MAGI2: variants seen among roughly 807,000 people sequenced by gnomAD.
MAGI2 encodes the protein membrane-associated guanylate kinase, WW and PDZ domain-containing protein 2.
In MAGI2, 35 loss-of-function variants were observed where a neutral mutation model predicts 133.3. The observed-to-expected ratio is 0.26, with a 90% CI of 0.20 to 0.35. The LOEUF (loss-of-function observed/expected upper bound fraction) is 0.35, where lower values mean the gene tolerates loss of function less well. MAGI2 is among the 10% of genes least tolerant of loss of function. The probability of loss-of-function intolerance (pLI) is 1.00; values close to 1 mark genes in which losing one functional copy is unlikely to be tolerated. For synonymous variants in MAGI2, 729 were observed against 710.6 expected, an observed-to-expected ratio of 1.03 and a Z score of -0.41; for missense variants, 1,636 against 1,863.4, an observed-to-expected ratio of 0.88 and a Z score of 2.25.
At chr7:78,398,667 G>A (rs1437823838) in intron 6 of MAGI2, among the ~76,000 whole-genome samples, 3 of 151,924 alleles carry the variant, frequency 2.0e-5, no homozygotes, top group Non-Finnish European at 2.9e-5. Flanking sequence ...AACGTAGTAA[G>A]AAAGGTAGGG....
chr7:78,026,211 T>C (rs1170589416), intron 21 of MAGI2: 1 of 152,246 alleles, frequency 6.6e-6, no homozygotes, highest in East Asian at 1.9e-4. Context: ...TCTCAAATTA[T>C]CTTGTAGGAG....
chr7:78,774,873 A>G (rs1470941324), intron 2 of MAGI2, among the ~76,000 whole-genome samples: 1 of 152,212 alleles, frequency 6.6e-6, no homozygotes, highest in Non-Finnish European at 1.5e-5. Context: ...TGTGGAAGAG[A>G]AAAAGTCACC....
At chr7:78,341,145 C>T (rs1790330056) in intron 9 of MAGI2, among the ~76,000 whole-genome samples, 1 of 152,164 alleles carries the variant, frequency 6.6e-6, no homozygotes, top group African/African-American at 2.4e-5. Flanking sequence ...GCAAAAATCA[C>T]TAGCATTCCT....
intron 10 of MAGI2, among the ~76,000 whole-genome samples, chr7:78,245,393 C>G (rs1033315578): frequency 7.9e-5 from 12 of 152,196 alleles, no homozygotes; most frequent in African/African-American, 2.4e-4. Flanking sequence ...TGTGGGCATT[C>G]AAAAAGTATT....
intron 9 of MAGI2, among the ~76,000 whole-genome samples, chr7:78,318,456 C>T (rs972221385): frequency 6.6e-6 from 1 of 152,138 alleles, no homozygotes; most frequent in Non-Finnish European, 1.5e-5. Flanking sequence ...GATTCCAAGA[C>T]ATATGGGACT....
intron 2 of MAGI2, among the ~76,000 whole-genome samples, chr7:78,834,447 A>T (rs551695666): frequency 3.9e-5 from 6 of 152,350 alleles, no homozygotes; most frequent in Admixed American, 3.3e-4. Context: ...AACTGAAATC[A>T]TATGATATGT....
At chr7:78,811,115 A>G (rs1208662075) in intron 2 of MAGI2, among the ~76,000 whole-genome samples, 7 of 151,888 alleles carry the variant, frequency 4.6e-5, no homozygotes. Flanking sequence ...AAATTAATAT[A>G]AAGTATTAGT....
chr7:78,558,378 G>T (rs73143112), intron 3 of MAGI2, among the ~76,000 whole-genome samples: 1 of 152,152 alleles, frequency 6.6e-6, no homozygotes, highest in Non-Finnish European at 1.5e-5. Flanking sequence ...TTTTTATTTT[G>T]ATCTTAAGTA....
At chr7:78,946,816 A>G (rs1801453151) in intron 2 of MAGI2, 1 of 152,114 alleles carries the variant, frequency 6.6e-6, no homozygotes, top group African/African-American at 2.4e-5. Flanking sequence ...TAAAAAATAT[A>G]TTTTTATGTA....
intron 1 of MAGI2, among the ~76,000 whole-genome samples, chr7:79,028,985 A>C (rs1234549241): frequency 6.6e-6 from 1 of 152,212 alleles, no homozygotes; most frequent in Non-Finnish European, 1.5e-5. Context: ...TATAAAAAAC[A>C]CAAATGTTAT....
At chr7:78,092,781 T>TA (rs543650537) in intron 20 of MAGI2, among the ~76,000 whole-genome samples, 1 of 151,958 alleles carries the variant, frequency 6.6e-6, no homozygotes. Context: ...CATACATCCC[T>TA]TGGATAATCA....
In MAGI2 at chr7:78,077,725, G is replaced by GTTTTTTTTTTTT. The variant is rs538030969; in HGVS notation, c.3706+1210_3706+1221dup. 1.8e-4 allele frequency among the ~76,000 whole-genome samples: 18 copies of GTTTTTTTTTTTT among 101,242 alleles called. 1 individual carries two copies. Among genetic ancestry groups the GTTTTTTTTTTTT allele is most frequent in the East Asian group, 1.1e-3 (4 of 3,496 alleles). The allele number at this position is 101,242 out of a possible 152,430, so 66.4% of individuals were successfully genotyped here. On this transcript the variant is annotated intron_variant, in intron 21 of 21. Coordinates refer to ENST00000354212, the MANE Select transcript of MAGI2 (RefSeq NM_012301.4). ...TGAAATGAAAAGTACTCTTTAGAAT[G>GTTTTTTTTTTTT]TTTTTTTTTTTTTTTTTTTTTGAGA...
At chr7:78,488,261 G>T (rs940272404) in intron 6 of MAGI2, among the ~76,000 whole-genome samples, 1 of 151,984 alleles carries the variant, frequency 6.6e-6, no homozygotes, top group African/African-American at 2.4e-5. Flanking sequence ...AGTCTGATAA[G>T]CAGAGATGTG....
At chr7:79,389,442 T>C (rs1340769196) in intron 1 of MAGI2, among the ~76,000 whole-genome samples, 2 of 152,284 alleles carry the variant, frequency 1.3e-5, no homozygotes, top group Non-Finnish European at 2.9e-5. Context: ...GTAATTATTT[T>C]GCATCATACT....
At chr7:79,232,576 T>G (rs1831466312) in intron 1 of MAGI2, among the ~76,000 whole-genome samples, 1 of 79,082 alleles carries the variant, frequency 1.3e-5, no homozygotes, top group African/African-American at 5.2e-5. Flanking sequence ...CTAGTTTATT[T>G]GCGTAGAGGT....
chr7:78,501,490 T>C (rs902048422), intron 5 of MAGI2, 87 bp downstream of exon 5: 1 of 1,193,302 alleles, frequency 8.4e-7, no homozygotes, highest in East Asian at 2.4e-5. Context: ...TTTTCTTTTT[T>C]TTTTTTTTTC....
Position 78,682,166 on chromosome 7 carries a change from G to A in MAGI2, c.419-54927C>T, listed in dbSNP as rs115686205. Among the ~76,000 whole-genome samples, 250 of 152,018 alleles carry A rather than the reference G, an allele frequency of 1.6e-3. 2 individuals are homozygous for A. Among genetic ancestry groups the A allele is most frequent in the African/African-American group, 5.8e-3 (241 of 41,462 alleles). On this transcript the variant is annotated intron_variant, in intron 2 of 21. Coordinates refer to ENST00000354212, the MANE Select transcript of MAGI2 (RefSeq NM_012301.4). ...ATATTTTGTTTCAGGAAATAAAATC[G>A]TGGAGTCAAGATATACACAAAACTG...
intron 2 of MAGI2, among the ~76,000 whole-genome samples, chr7:78,829,815 A>C (rs951122511): frequency 6.6e-6 from 1 of 152,098 alleles, no homozygotes; most frequent in Non-Finnish European, 1.5e-5. Context: ...ATATTTCTTC[A>C]TAAATTCTGA....
intron 1 of MAGI2, among the ~76,000 whole-genome samples, chr7:79,019,021 C>T (rs1809020968): frequency 6.6e-6 from 1 of 152,082 alleles, no homozygotes; most frequent in South Asian, 2.1e-4. Flanking sequence ...GGACCTTAAC[C>T]AAAAGCTTGA....
Sources: allele counts gnomAD v4.1 joint callset (sites outside exome capture counted in the v4.1 genomes callset), GRCh38; gene constraint gnomAD v4.1.1; transcripts MANE v1.5; gene names NCBI Gene and HGNC (gene_info 2026-07-23, HGNC 2026-07-21).